GRIK1: variants seen among roughly 807,000 people sequenced by gnomAD.
The protein encoded by GRIK1 is glutamate ionotropic receptor kainate type subunit 1.
Under a neutral mutation model 105.7 loss-of-function variants are expected in GRIK1, and 69 were observed. The observed-to-expected ratio is 0.65, with a 90% confidence interval of 0.54 to 0.80. The LOEUF (loss-of-function observed/expected upper bound fraction) is 0.80. Ranked by LOEUF, GRIK1 falls within the 30% of genes least tolerant of loss-of-function variation. The pLI, the probability that GRIK1 is intolerant of heterozygous loss-of-function variation, is 0.00. For synonymous variants in GRIK1, 438 were observed against 431.3 expected (o/e 1.02, Z -0.19); for missense variants, 1,109 against 1,167.3 (o/e 0.95, Z 0.73).
At chr21:29,550,107 C>CAAAAAAAAAAAAAAAAAAAAAAAA (rs34939329) in intron 16 of GRIK1, among the ~76,000 whole-genome samples, 2 of 53,476 alleles carry the variant, frequency 3.7e-5, no homozygotes, top group African/African-American at 1.7e-4. Context: ...GACTCCATCT[C>CAAAAAAAAAAAAAAAAAAAAAAAA]AAAAAAAAAA....
chr21:29,610,196 A>T (rs1268469392), intron 7 of GRIK1, among the ~76,000 whole-genome samples: 1 of 152,182 alleles, frequency 6.6e-6, no homozygotes, highest in Non-Finnish European at 1.5e-5. Flanking sequence ...CTATAGGAAT[A>T]TTGTGCAGAT....
chr21:29,839,898 T>G (rs560330711), intron 1 of GRIK1, among the ~76,000 whole-genome samples: 1 of 152,084 alleles, frequency 6.6e-6, no homozygotes, highest in East Asian at 1.9e-4. Flanking sequence ...TGTGAAAGGT[T>G]TTTATGTGGA....
intron 3 of GRIK1, 46 bp downstream of exon 3, chr21:29,689,682 G>T: frequency 1.3e-6 from 2 of 1,578,698 alleles, no homozygotes; most frequent in Non-Finnish European, 1.7e-6. Context: ...CGTTCTGTTT[G>T]TTCAGAGCAG....
chr21:29,760,860 A>G (rs2065494408), intron 1 of GRIK1, among the ~76,000 whole-genome samples: 1 of 152,226 alleles, frequency 6.6e-6, no homozygotes, highest in African/African-American at 2.4e-5. Context: ...ATACAACGCC[A>G]AGATTCAAAT....
intron 1 of GRIK1, among the ~76,000 whole-genome samples, chr21:29,702,370 G>A (rs2063828688): frequency 6.6e-6 from 1 of 152,090 alleles, no homozygotes; most frequent in Admixed American, 6.5e-5. Context: ...GGATCTTATG[G>A]CAGAGAGGTT....
chr21:29,725,611 A>G (rs2064437319), intron 1 of GRIK1, among the ~76,000 whole-genome samples: 1 of 152,200 alleles, frequency 6.6e-6, no homozygotes, highest in African/African-American at 2.4e-5. Flanking sequence ...ATGTAGTCCT[A>G]TTAGAACCAT....
At chr21:29,645,040 G>A (rs1454278230) in intron 6 of GRIK1, among the ~76,000 whole-genome samples, 1 of 152,174 alleles carries the variant, frequency 6.6e-6, no homozygotes, top group African/African-American at 2.4e-5. Context: ...TCTACACCAA[G>A]TTATTGGTCT....
intron 1 of GRIK1, among the ~76,000 whole-genome samples, chr21:29,821,656 C>G (rs962879091): frequency 6.6e-6 from 1 of 151,886 alleles, no homozygotes; most frequent in African/African-American, 2.4e-5. Flanking sequence ...AAATTATTAC[C>G]GTAGTATAGT....
At chr21:29,639,402 C>A (rs377581081) in intron 7 of GRIK1, among the ~76,000 whole-genome samples, 2 of 152,298 alleles carry the variant, frequency 1.3e-5, no homozygotes, top group African/African-American at 4.8e-5. Context: ...ACAAAGCCTA[C>A]ATCTGTGAGT....
intron 1 of GRIK1, among the ~76,000 whole-genome samples, chr21:29,877,821 C>A (rs1267478765): frequency 6.6e-6 from 1 of 152,096 alleles, no homozygotes; most frequent in Non-Finnish European, 1.5e-5. Context: ...GCACTTTGTA[C>A]CTTTTGTGTA....
chr21:29,936,258 C>T (rs1023291836), intron 1 of GRIK1, among the ~76,000 whole-genome samples: 1 of 152,188 alleles, frequency 6.6e-6, no homozygotes, highest in Non-Finnish European at 1.5e-5. Flanking sequence ...ATGATGCACA[C>T]AAATATATTA....
chr21:29,919,845 A>T (rs2071131808), intron 1 of GRIK1, among the ~76,000 whole-genome samples: 1 of 152,166 alleles, frequency 6.6e-6, no homozygotes, highest in Non-Finnish European at 1.5e-5. Context: ...GATAGTACTT[A>T]TTTTAAAAAT....
At chr21:29,550,946 A>G (rs79246772) in intron 16 of GRIK1, among the ~76,000 whole-genome samples, 630 of 152,330 alleles carry the variant, frequency 4.1e-3, no homozygotes, top group Non-Finnish European at 7.3e-3. Context: ...AGGCTTAGAA[A>G]TTTACTCTAA....
intron 1 of GRIK1, among the ~76,000 whole-genome samples, chr21:29,830,844 T>G (rs547548680): frequency 6.6e-6 from 1 of 152,044 alleles, no homozygotes; most frequent in Non-Finnish European, 1.5e-5. Flanking sequence ...GAGATTCCAA[T>G]AAAGATGAAA....
intron 3 of GRIK1, among the ~76,000 whole-genome samples, chr21:29,683,550 A>G (rs2063422453): frequency 6.6e-6 from 1 of 152,208 alleles, no homozygotes; most frequent in African/African-American, 2.4e-5. Flanking sequence ...CCATGATCTT[A>G]CTTATAAGTG....
At chr21:29,884,692 T>C (rs2069545575) in intron 1 of GRIK1, among the ~76,000 whole-genome samples, 1 of 152,126 alleles carries the variant, frequency 6.6e-6, no homozygotes, top group African/African-American at 2.4e-5. Flanking sequence ...TTGTGCTACA[T>C]GCTTTACTTA....
chr21:29,822,270 C>T (rs556586129), intron 1 of GRIK1, among the ~76,000 whole-genome samples: 2 of 152,098 alleles, frequency 1.3e-5, no homozygotes, highest in South Asian at 2.1e-4. Flanking sequence ...TTCAATAAAA[C>T]TTTATTTACA....
intron 1 of GRIK1, among the ~76,000 whole-genome samples, chr21:29,722,480 C>T (rs1055927923): frequency 6.0e-5 from 9 of 150,658 alleles, no homozygotes; most frequent in Non-Finnish European, 1.3e-4. Context: ...GGTGTGAACC[C>T]GGGAGGCAGA....
At chr21:29,872,896 G>A (rs568529148) in intron 1 of GRIK1, among the ~76,000 whole-genome samples, 2 of 152,304 alleles carry the variant, frequency 1.3e-5, no homozygotes, top group African/African-American at 4.8e-5. Context: ...GGGTGGGGAT[G>A]CAGCCAAACC....
Sources: allele counts gnomAD v4.1 joint callset (sites outside exome capture counted in the v4.1 genomes callset), GRCh38; gene constraint gnomAD v4.1.1; transcripts MANE v1.5; gene names NCBI Gene and HGNC (gene_info 2026-07-23, HGNC 2026-07-21).